Variants in ADAM22 observed in about 807,000 individuals in gnomAD.
ADAM22 encodes disintegrin and metalloproteinase domain-containing protein 22.
ADAM22 carries 65 observed loss-of-function variants against 144.6 expected under a neutral mutation model. The ratio of observed to expected loss-of-function variants is 0.45; its 90% CI spans 0.37 to 0.55. The LOEUF is 0.55. Among genes scored for constraint, ADAM22 ranks in the 20% least tolerant of loss-of-function variants. The probability of loss-of-function intolerance (pLI) is 0.00; values close to 1 mark genes in which losing one functional copy is unlikely to be tolerated. For missense variants in ADAM22, 974 were observed against 1,184.9 expected (o/e 0.82, Z 2.61); for synonymous variants, 391 against 412.6 (o/e 0.95, Z 0.63).
chr7:88,073,512 T>A (rs1055588964), intron 3 of ADAM22, among the ~76,000 whole-genome samples: 5 of 152,208 alleles, frequency 3.3e-5, no homozygotes, highest in Non-Finnish European at 7.3e-5. Flanking sequence ...AATGGTAGCC[T>A]CCAAGTATGC....
chr7:87,975,252 T>G (rs1227687812), intron 2 of ADAM22, among the ~76,000 whole-genome samples: 1 of 152,208 alleles, frequency 6.6e-6, no homozygotes, highest in Non-Finnish European at 1.5e-5. Context: ...TTATTAAGTC[T>G]GAGAATACTA....
At chr7:88,038,831 A>G (rs1305762957) in intron 3 of ADAM22, among the ~76,000 whole-genome samples, 189 of 148,458 alleles carry the variant, frequency 1.3e-3, no homozygotes, top group African/African-American at 4.4e-3. Context: ...CCCAGGCGGG[A>G]GCACAGTGGT....
intron 3 of ADAM22, among the ~76,000 whole-genome samples, chr7:88,069,998 T>G (rs1180035737): frequency 6.6e-6 from 1 of 152,172 alleles, no homozygotes; most frequent in Non-Finnish European, 1.5e-5. Context: ...AACATTTATT[T>G]TTTTTTTAAA....
chr7:87,985,216 G>C (rs2129450342), intron 3 of ADAM22, among the ~76,000 whole-genome samples: 1 of 151,770 alleles, frequency 6.6e-6, no homozygotes, highest in South Asian at 2.1e-4. Flanking sequence ...GGGAGGCTGA[G>C]GCAAGAGAAT....
At chr7:87,982,246 A>G (rs1300365292) in intron 3 of ADAM22, among the ~76,000 whole-genome samples, 1 of 152,042 alleles carries the variant, frequency 6.6e-6, no homozygotes. Flanking sequence ...AACAATGAAC[A>G]TGTTAAATAA....
intron 2 of ADAM22, among the ~76,000 whole-genome samples, chr7:87,960,965 G>A (rs557358721): frequency 2.9e-4 from 44 of 152,180 alleles, no homozygotes; most frequent in Non-Finnish European, 5.0e-4. Context: ...TTTCTTCTGG[G>A]CTTATGTTCT....
At chr7:87,993,427 A>G (rs1443042293) in intron 3 of ADAM22, among the ~76,000 whole-genome samples, 3 of 152,232 alleles carry the variant, frequency 2.0e-5, no homozygotes, top group African/African-American at 7.2e-5. Flanking sequence ...TATGCTGTAA[A>G]TAGAAGAATA....
At chr7:87,956,279 C>G (rs139771588) in intron 2 of ADAM22, among the ~76,000 whole-genome samples, 1 of 152,148 alleles carries the variant, frequency 6.6e-6, no homozygotes, top group East Asian at 1.9e-4. Flanking sequence ...GGCTCCTCCT[C>G]TGAAAGTAGC....
intron 3 of ADAM22, among the ~76,000 whole-genome samples, chr7:88,051,151 C>T (rs1300464427): frequency 6.6e-6 from 1 of 152,170 alleles, no homozygotes; most frequent in Non-Finnish European, 1.5e-5. Context: ...GGCAATTCCT[C>T]AAGGATCTAG....
At chr7:88,047,722 A>G (rs982052490) in intron 3 of ADAM22, among the ~76,000 whole-genome samples, 6 of 152,188 alleles carry the variant, frequency 3.9e-5, no homozygotes, top group Admixed American at 1.3e-4. Flanking sequence ...AGTTTGTAAT[A>G]CACTGAGATA....
intron 4 of ADAM22, among the ~76,000 whole-genome samples, chr7:88,091,284 A>T (rs960518475): frequency 6.6e-6 from 1 of 152,150 alleles, no homozygotes; most frequent in Non-Finnish European, 1.5e-5. Flanking sequence ...TTTTTAGTTA[A>T]TGACACTCAT....
intron 4 of ADAM22, among the ~76,000 whole-genome samples, chr7:88,085,189 A>T (rs905097868): frequency 6.6e-6 from 1 of 152,136 alleles, no homozygotes; most frequent in African/African-American, 2.4e-5. Flanking sequence ...GTTTTTTCTT[A>T]AAGTTGGCTT....
At chr7:87,966,737 T>C (rs929459102) in intron 2 of ADAM22, among the ~76,000 whole-genome samples, 1 of 138,512 alleles carries the variant, frequency 7.2e-6, no homozygotes, top group African/African-American at 2.7e-5. Flanking sequence ...TTTTTTTTTT[T>C]TTTTTTTTTT....
At chr7:88,051,122 C>G (rs1219682901) in intron 3 of ADAM22, among the ~76,000 whole-genome samples, 2 of 152,160 alleles carry the variant, frequency 1.3e-5, no homozygotes, top group African/African-American at 2.4e-5. Context: ...ACTAGTTCAA[C>G]CACTGTGGAA....
chr7:88,144,387 A>G (rs1479693607), intron 15 of ADAM22, among the ~76,000 whole-genome samples: 2 of 152,204 alleles, frequency 1.3e-5, no homozygotes, highest in African/African-American at 2.4e-5. Context: ...GAGCTAAACA[A>G]TAAAACAGAC....
At chr7:87,956,820 G>T (rs1216846288) in intron 2 of ADAM22, among the ~76,000 whole-genome samples, 1 of 152,124 alleles carries the variant, frequency 6.6e-6, no homozygotes, top group East Asian at 1.9e-4. Context: ...CATTCATTTT[G>T]ATGGACATTT....
At chr7:88,103,915 T>C (rs182523837) in intron 4 of ADAM22, among the ~76,000 whole-genome samples, 1 of 152,292 alleles carries the variant, frequency 6.6e-6, no homozygotes, top group Admixed American at 6.5e-5. Flanking sequence ...AAATGCAGTG[T>C]ATATTCTAAA....
intron 3 of ADAM22, among the ~76,000 whole-genome samples, chr7:88,036,369 C>G (rs1429120567): frequency 6.6e-6 from 1 of 152,038 alleles, no homozygotes; most frequent in African/African-American, 2.4e-5. Context: ...AATATAATAT[C>G]TTTCTTCTGT....
intron 5 of ADAM22, among the ~76,000 whole-genome samples, chr7:88,109,401 C>T (rs1037688035): frequency 3.3e-5 from 5 of 152,146 alleles, no homozygotes; most frequent in Non-Finnish European, 7.3e-5. Flanking sequence ...ATAAAGCTAC[C>T]GTGTCATTCC....
Sources: allele counts gnomAD v4.1 joint callset (sites outside exome capture counted in the v4.1 genomes callset), GRCh38; gene constraint gnomAD v4.1.1; transcripts MANE v1.5; gene names NCBI Gene and HGNC (gene_info 2026-07-23, HGNC 2026-07-21).